TOGARAM2: variants seen among roughly 807,000 people sequenced by gnomAD.
The protein encoded by TOGARAM2 is TOG array regulator of axonemal microtubules protein 2.
In TOGARAM2, 85 loss-of-function variants were observed where a neutral mutation model predicts 93.3. The observed-to-expected ratio is 0.91, with a 90% CI of 0.76 to 1.09. The LOEUF (loss-of-function observed/expected upper bound fraction) is 1.09. Among genes scored for constraint, TOGARAM2 ranks in the 50% least tolerant of loss-of-function variants. The pLI is 0.00. For synonymous variants in TOGARAM2, 593 were observed against 552.8 expected, an observed-to-expected ratio of 1.07 and a Z score of -1.02; for missense variants, 1,277 against 1,334.5, an observed-to-expected ratio of 0.96 and a Z score of 0.67.
chr2:29,029,616 T>C (rs371660348), intron 14 of TOGARAM2, among the ~76,000 whole-genome samples: 21,422 of 139,980 alleles, frequency 0.15, 2,356 homozygotes, highest in South Asian at 0.21. Context: ...ATTAGCCAGG[T>C]GTGGTGGCGG....
chr2:28,998,226 A>G lies in TOGARAM2; in HGVS notation c.112A>G (p.Ile38Val), dbSNP rs761941896. ...GCCCCGGGTGCTCCCGCCTGGAAGC[A>G]TCAACTCCAGTCTGCCTCATGGAGA... is the stretch of plus-strand genomic sequence containing the variant. The part of the protein sequence containing the change: ...AGPRVLPPGS[I>V]NSSLPHGEGS... Residue 38 changes from isoleucine to valine, a missense_variant, in exon 3 of 20, where the codon ATC becomes GTC. Transcript: ENST00000379558. 3 of 1,612,388 alleles carry G rather than the reference A, an allele frequency of 1.9e-6. No individual in the cohort carries two copies. In the South Asian group the frequency reaches 3.3e-5, roughly 18 times the overall value.
At chr2:28,994,027 C>T (rs1205830798) in intron 1 of TOGARAM2, among the ~76,000 whole-genome samples, 1 of 152,202 alleles carries the variant, frequency 6.6e-6, no homozygotes, top group East Asian at 1.9e-4. Context: ...TCACCATTAT[C>T]GCAGCAAAGG....
Position 29,011,517 on chromosome 2 carries a change from G to A in TOGARAM2, c.877+16G>A. 1 of 1,597,836 alleles carries A rather than the reference G, an allele frequency of 6.3e-7. No homozygotes were observed. Among genetic ancestry groups the A allele is most frequent in the Non-Finnish European group, 8.5e-7 (1 of 1,174,030 alleles). On this transcript the variant is annotated intron_variant, in intron 7 of 19. Coordinates refer to ENST00000379558, the MANE Select transcript of TOGARAM2 (RefSeq NM_199280.4). Reference sequence around the variant, plus strand: ...GCATCTCTGGGTACGTATCTTCCATGCACACCTCCCTTTGTTATTTGACTC... The same window carrying A: ...GCATCTCTGGGTACGTATCTTCCATACACACCTCCCTTTGTTATTTGACTC...
chr2:28,994,943 A>C (rs1222354782), intron 2 of TOGARAM2, 81 bp downstream of exon 2: 1 of 1,506,986 alleles, frequency 6.6e-7, no homozygotes, highest in Non-Finnish European at 9.0e-7. Flanking sequence ...GGGCCAGAAA[A>C]AGGGAGATGT....
chr2:29,033,513 GGTGT>G lies in TOGARAM2; in HGVS notation c.2176_2179del (p.Val726Ter). On this transcript the variant is annotated frameshift_variant, in exon 16 of 20. Transcript: ENST00000379558. LOFTEE classifies it high-confidence loss of function. The stretch of plus-strand genomic sequence containing the variant: ...AACTTCCCTCTGCCAAAGGCCGCAA[GGTGT>G]TGAGGAGTCTGGTGGTGTGTGAGAA... 6.2e-7 allele frequency: 1 copy of G among 1,613,830 alleles called. No individual in the cohort carries two copies. The highest frequency in any genetic ancestry group is 8.5e-7 in the Non-Finnish European group (1 of 1,179,838).
chr2:29,036,007 C>T, intron 17 of TOGARAM2, among the ~76,000 whole-genome samples: 1 of 151,984 alleles, frequency 6.6e-6, no homozygotes, highest in Non-Finnish European at 1.5e-5. Context: ...GCTGTGATGG[C>T]TGGACAGGTG....
intron 6 of TOGARAM2, among the ~76,000 whole-genome samples, chr2:29,007,690 G>A (rs1240506286): frequency 1.3e-5 from 2 of 152,034 alleles, no homozygotes; most frequent in South Asian, 2.1e-4. Context: ...AATGAATGGC[G>A]GGTCCTTTGT....
chr2:29,043,903 A>T (rs1204183490), intron 18 of TOGARAM2, among the ~76,000 whole-genome samples: 1 of 152,232 alleles, frequency 6.6e-6, no homozygotes, highest in Non-Finnish European at 1.5e-5. Context: ...GGAGAGGAAC[A>T]AGCAGCTTCT....
chr2:29,045,520 C>A (rs777801817), intron 19 of TOGARAM2, 110 bp downstream of exon 19: 2 of 923,598 alleles, frequency 2.2e-6, no homozygotes, highest in South Asian at 1.4e-5. Flanking sequence ...TAATCCCCCC[C>A]AATCATTTAA....
intron 10 of TOGARAM2, among the ~76,000 whole-genome samples, chr2:29,020,678 G>T (rs1266966922): frequency 6.6e-6 from 1 of 152,222 alleles, no homozygotes; most frequent in South Asian, 2.1e-4. Context: ...AAGGGGGGCA[G>T]CAGGGCAGGT....
Position 28,998,140 on chromosome 2 carries a change from C to T in TOGARAM2, c.29-3C>T. 1 of 1,596,600 alleles carries T rather than the reference C, an allele frequency of 6.3e-7. No individual in the cohort carries two copies. Among genetic ancestry groups the T allele is most frequent in the Non-Finnish European group, 8.5e-7 (1 of 1,171,414 alleles). Reference sequence around the variant, plus strand: ...TGCTGCTCTCCTGTGCTTCTGTCTCCAGCCAAGGTCCTGGTCCCCGTGGCC... The same window carrying T: ...TGCTGCTCTCCTGTGCTTCTGTCTCTAGCCAAGGTCCTGGTCCCCGTGGCC... On this transcript the variant is annotated splice_polypyrimidine_tract_variant and splice_region_variant and intron_variant, in intron 2 of 19. Coordinates refer to ENST00000379558, the MANE Select transcript of TOGARAM2 (RefSeq NM_199280.4).
intron 1 of TOGARAM2, among the ~76,000 whole-genome samples, chr2:28,957,056 A>G (rs1330615415): frequency 6.8e-6 from 1 of 147,996 alleles, no homozygotes; most frequent in Non-Finnish European, 1.5e-5. Flanking sequence ...GTGAGCCGAG[A>G]TCGCGCCACT....
chr2:28,964,103 T>C (rs1341863439), intron 1 of TOGARAM2, among the ~76,000 whole-genome samples: 1 of 152,266 alleles, frequency 6.6e-6, no homozygotes, highest in East Asian at 1.9e-4. Flanking sequence ...GGTTTTCTAC[T>C]TTTTGTATCT....
chr2:28,991,167 C>A (rs142480348), intron 1 of TOGARAM2, among the ~76,000 whole-genome samples: 1 of 152,140 alleles, frequency 6.6e-6, no homozygotes, highest in Non-Finnish European at 1.5e-5. Context: ...CTTGTTAGGA[C>A]ATTTTTTTCA....
At chr2:28,993,454 G>T (rs1157862787) in intron 1 of TOGARAM2, among the ~76,000 whole-genome samples, 1 of 152,216 alleles carries the variant, frequency 6.6e-6, no homozygotes, top group African/African-American at 2.4e-5. Flanking sequence ...CTCAGGGGGT[G>T]AAGTTTGGGG....
chr2:29,035,465 C>T lies in TOGARAM2; in HGVS notation c.2227C>T (p.Leu743Phe), dbSNP rs1160228523. Residue 743 changes from leucine (L) to phenylalanine (F), a missense_variant and splice_region_variant, in exon 17 of 20, where the codon CTC becomes TTC. By Grantham distance (22) the Leu-to-Phe change is conservative (BLOSUM62 0). Coordinates refer to ENST00000379558, the MANE Select transcript of TOGARAM2 (RefSeq NM_199280.4). ...CENGLPIKEG[L>F]SCNGPRLVGL... is the part of the protein sequence containing the mutation. Reference sequence around the variant, plus strand: ...TCAGACGCCACGCTCCTTACCTAGGCTCAGCTGCAATGGCCCAAGGCTGGT... The same window carrying T: ...TCAGACGCCACGCTCCTTACCTAGGTTCAGCTGCAATGGCCCAAGGCTGGT... 7.1e-7 allele frequency: 1 copy of T among 1,400,038 alleles called. No individual in the cohort carries two copies. Among genetic ancestry groups the T allele is most frequent in the Non-Finnish European group, 9.4e-7 (1 of 1,065,658 alleles). 86.7% of individuals were successfully genotyped at this position (1,400,038 alleles called of 1,614,324 possible).
chr2:28,974,648 G>C (rs1339918095), intron 1 of TOGARAM2, among the ~76,000 whole-genome samples: 1 of 148,232 alleles, frequency 6.7e-6, no homozygotes, highest in Admixed American at 6.7e-5. Context: ...GGGTCTTGCT[G>C]TGTCACCCAG....
intron 14 of TOGARAM2, among the ~76,000 whole-genome samples, chr2:29,027,474 G>GA (rs1397570493): frequency 2.6e-5 from 4 of 152,030 alleles, no homozygotes; most frequent in Non-Finnish European, 5.9e-5. Context: ...GGGATATAAA[G>GA]AAAAAATAGG....
chr2:29,041,202 T>G (rs1666416070), intron 18 of TOGARAM2, among the ~76,000 whole-genome samples: 1 of 152,038 alleles, frequency 6.6e-6, no homozygotes, highest in Admixed American at 6.5e-5. Flanking sequence ...TTTTTGTCTT[T>G]TAGTAGAGAT....
Sources: gnomAD v4.1 joint callset for allele counts (sites outside exome capture counted in the v4.1 genomes callset) on GRCh38, gnomAD v4.1.1 for gene constraint, MANE v1.5 for transcripts, NCBI Gene and HGNC (gene_info 2026-07-23, HGNC 2026-07-21) for gene names.